The following XPO6 variants were observed in gnomAD, a reference collection of about 807,000 sequenced individuals.
XPO6 encodes exportin-6.
Under a neutral mutation model 130.0 loss-of-function variants are expected in XPO6, and 3 were observed. The ratio of observed to expected loss-of-function variants is 0.02; its 90% CI spans 0.01 to 0.06. The LOEUF (loss-of-function observed/expected upper bound fraction) is 0.06, where lower values mean the gene tolerates loss of function less well. XPO6 is among the 10% of genes least tolerant of loss of function. XPO6 has a pLI of 1.00. For missense variants in XPO6, 970 were observed against 1,393.0 expected (o/e 0.70, Z 4.83); for synonymous variants, 524 against 548.9 (o/e 0.95, Z 0.63).
In XPO6 at chr16:28,124,123, T is replaced by G. The variant is rs1380871835; in HGVS notation, c.1766+1566A>C. 2.6e-5 allele frequency among the ~76,000 whole-genome samples: 4 copies of G among 150,954 alleles called. No individual in the cohort carries two copies. The East Asian group carries it at 7.8e-4, about 29-fold the overall frequency. ...CCCAGGCTGGAGTGCACTGGCGCAA[T>G]CTCAGCTCACTGCAACCTCCGCCTC... On this transcript the variant is annotated intron_variant, in intron 13 of 23. Transcript: ENST00000304658.
At chr16:28,189,756 T>C (rs1244193247) in intron 1 of XPO6, among the ~76,000 whole-genome samples, 1 of 152,190 alleles carries the variant, frequency 6.6e-6, no homozygotes, top group Non-Finnish European at 1.5e-5. Flanking sequence ...GATCTAGACA[T>C]AACTTTGCAC....
chr16:28,175,922 G>A lies in XPO6; in HGVS notation c.381C>T (p.His127=), dbSNP rs775452295. 22 of 1,613,972 alleles carry A rather than the reference G, an allele frequency of 1.4e-5. No homozygotes were observed. Among genetic ancestry groups the A allele is most frequent in the Middle Eastern group, 1.6e-4 (1 of 6,084 alleles). Residue 127 remains histidine, a synonymous_variant, in exon 4 of 24, where the codon CAC becomes CAT. Coordinates refer to ENST00000304658, the MANE Select transcript of XPO6 (RefSeq NM_015171.4). Reference sequence around the variant, plus strand: ...CCTGTAAAATGTTAGTAAAAAAGTCGTGGTAGAACATGGGCCAATCCTGAC... The same window carrying A: ...CCTGTAAAATGTTAGTAAAAAAGTCATGGTAGAACATGGGCCAATCCTGAC... ...IGRQDWPMFY[H]DFFTNILQLI...
intron 7 of XPO6, chr16:28,155,861 G>T: frequency 7.9e-7 from 1 of 1,265,658 alleles, no homozygotes; most frequent in Non-Finnish European, 1.0e-6. Context: ...ACCTACACAA[G>T]GCACAAGCAT....
chr16:28,103,666 A>G (rs1225067755), intron 21 of XPO6, among the ~76,000 whole-genome samples: 1 of 152,182 alleles, frequency 6.6e-6, no homozygotes, highest in African/African-American at 2.4e-5. Flanking sequence ...AGAGAAAGGC[A>G]GGGGAGGCGC....
chr16:28,151,052 C>T (rs1266346042), intron 8 of XPO6, among the ~76,000 whole-genome samples: 4 of 151,934 alleles, frequency 2.6e-5, no homozygotes, highest in African/African-American at 4.8e-5. Context: ...TCTATTTTCA[C>T]ATGCCAAGAT....
intron 1 of XPO6, among the ~76,000 whole-genome samples, chr16:28,208,746 T>A (rs559042755): frequency 6.6e-6 from 1 of 152,192 alleles, no homozygotes; most frequent in African/African-American, 2.4e-5. Flanking sequence ...GCTCAGTCAA[T>A]AACAAAATTC....
chr16:28,129,617 A>G (rs1051308887), intron 12 of XPO6, among the ~76,000 whole-genome samples: 4 of 152,240 alleles, frequency 2.6e-5, no homozygotes, highest in Non-Finnish European at 5.9e-5. Context: ...AAAAGTCTTA[A>G]ACATAATTTA....
intron 23 of XPO6, among the ~76,000 whole-genome samples, chr16:28,099,412 T>C (rs2086606238): frequency 6.6e-6 from 1 of 152,132 alleles, no homozygotes; most frequent in African/African-American, 2.4e-5. Context: ...CAGAACTCCA[T>C]TCAAAGCCTG....
intron 15 of XPO6, chr16:28,117,047 C>T: frequency 7.7e-6 from 3 of 388,292 alleles, no homozygotes; most frequent in South Asian, 7.6e-5. Flanking sequence ...AGAGGTATCA[C>T]AACTTTTTAG....
At chr16:28,115,785 G>C (rs2087038991) in intron 15 of XPO6, among the ~76,000 whole-genome samples, 1 of 152,218 alleles carries the variant, frequency 6.6e-6, no homozygotes, top group African/African-American at 2.4e-5. Context: ...CAGAAAATCT[G>C]TTGTTTAGTA....
Position 28,101,788 on chromosome 16 carries a change from T to A in XPO6, c.3045+59A>T, listed in dbSNP as rs1211346468. 1.3e-6 allele frequency: 2 copies of A among 1,597,170 alleles called. No individual in the cohort carries two copies. The highest frequency in any genetic ancestry group is 2.2e-5 in the East Asian group (1 of 44,796). On this transcript the variant is annotated intron_variant, in intron 22 of 23. Transcript: ENST00000304658. The surrounding 1 kb of genome is among the most constrained non-coding windows in gnomAD (Gnocchi z 5.4). ...CACTCTCCAGTGAGTAACCTGAGGG[T>A]GGGACACAGGCCACAATGCCCCTGA...
At chr16:28,117,592 A>T (rs1469272934) in intron 14 of XPO6, 130 bp from the exon 15 acceptor site, 1 of 1,127,874 alleles carries the variant, frequency 8.9e-7, no homozygotes, top group African/African-American at 1.6e-5. Flanking sequence ...AACAGCATAG[A>T]AATCATTTAC....
chr16:28,179,720 A>C (rs2043586491), intron 2 of XPO6, among the ~76,000 whole-genome samples: 1 of 152,218 alleles, frequency 6.6e-6, no homozygotes. Flanking sequence ...AAAAGCCTAG[A>C]GTTTATCCCA....
chr16:28,209,582 G>A (rs148079242), intron 1 of XPO6, among the ~76,000 whole-genome samples: 7 of 148,882 alleles, frequency 4.7e-5, no homozygotes, highest in East Asian at 2.0e-4. Context: ...AGAAGTTGCC[G>A]TGAGCTGAGA....
At chr16:28,161,147 T>C (rs377095619) in intron 6 of XPO6, among the ~76,000 whole-genome samples, 6 of 152,244 alleles carry the variant, frequency 3.9e-5, no homozygotes, top group Admixed American at 1.3e-4. Flanking sequence ...GTCTGATGAA[T>C]AGTCATTTCT....
At position 28,211,542 on chromosome 16, in the gene XPO6, G is replaced by A. The variant is rs550706405; in HGVS notation, c.-174C>T. The A allele has an allele frequency of 5.8e-5, 36 of 617,340 alleles. No individual in the cohort carries two copies. The African/African-American group carries it at 6.5e-4, about 11-fold the overall frequency. The allele number at this position is 617,340 out of a possible 1,614,324, so 38.2% of individuals were successfully genotyped here. ...CCTCTAAAAAGGGCAGGGCCGCCCGGGTCGCCTCATCGGGGGACCCCGAGA... is the reference window on the plus strand; with the variant it reads ...CCTCTAAAAAGGGCAGGGCCGCCCGAGTCGCCTCATCGGGGGACCCCGAGA... On this transcript the variant is annotated 5_prime_UTR_variant, in exon 1 of 24. Coordinates refer to ENST00000304658, the MANE Select transcript of XPO6 (RefSeq NM_015171.4).
intron 5 of XPO6, chr16:28,166,856 A>G: frequency 1.0e-6 from 1 of 978,630 alleles, no homozygotes; most frequent in South Asian, 4.7e-5. Context: ...TGCTGCATGC[A>G]CTCACTGGTC....
chr16:28,191,818 C>A (rs573917145), intron 1 of XPO6, among the ~76,000 whole-genome samples: 4 of 152,302 alleles, frequency 2.6e-5, no homozygotes, highest in African/African-American at 9.6e-5. Context: ...TAAAAGCATG[C>A]TGCAAATCTA....
chr16:28,181,228 T>C, intron 1 of XPO6, 197 bp from the exon 2 acceptor site: 1 of 492,408 alleles, frequency 2.0e-6, no homozygotes, highest in East Asian at 3.4e-5. Flanking sequence ...ACGTTGTTGT[T>C]GCATCCTCTA....
Sources: gnomAD v4.1 joint callset for allele counts (sites outside exome capture counted in the v4.1 genomes callset) on GRCh38, gnomAD v4.1.1 for gene constraint, Gnocchi (gnomAD v3.1) non-coding constraint, MANE v1.5 for transcripts, NCBI Gene and HGNC (gene_info 2026-07-23, HGNC 2026-07-21) for gene names.